Variants in AGO2 observed in about 807,000 individuals in gnomAD.
The protein encoded by AGO2 is protein argonaute-2.
In AGO2, 5 loss-of-function variants were observed where a neutral mutation model predicts 102.3. That is an observed-to-expected ratio of 0.05 (90% CI 0.03 to 0.10). AGO2 has a LOEUF of 0.10. AGO2 is among the 10% of genes least tolerant of loss of function. The pLI, the probability that AGO2 is intolerant of heterozygous loss-of-function variation, is 1.00. For missense variants in AGO2, 541 were observed against 1,183.7 expected (o/e 0.46, Z 7.97); for synonymous variants, 449 against 473.1 (o/e 0.95, Z 0.66).
Position 140,539,483 on chromosome 8 carries a change from C to A in AGO2, c.2035-29G>T, listed in dbSNP as rs771972360. The A allele has an allele frequency of 1.3e-6, 2 of 1,595,082 alleles. No individual in the cohort carries two copies. Among genetic ancestry groups the A allele is most frequent in the Non-Finnish European group, 1.7e-6 (2 of 1,169,564 alleles). On this transcript the variant is annotated intron_variant, in intron 15 of 18. Transcript: ENST00000220592. This position sits in a 1 kb window ranked among gnomAD's most constrained non-coding sequence, Gnocchi z 4.7. ...GGGGTACGGGAGGGAGGAGGTTGTG[C>A]TTAAAGATGGTAGTGCATGTGAGCA...
In AGO2 at chr8:140,557,726, G is replaced by T. The variant is rs2073124180; in HGVS notation, c.879-490C>A. The stretch of plus-strand genomic sequence containing the variant: ...AGTGAGGGGGAGGCCCACAGGCACA[G>T]GAAGGGTTGGCCTCTGTGTGGGGAT... On this transcript the variant is annotated intron_variant, in intron 7 of 18. Coordinates refer to ENST00000220592, the MANE Select transcript of AGO2 (RefSeq NM_012154.5). This position sits in a 1 kb window ranked among gnomAD's most constrained non-coding sequence, Gnocchi z 5.9. Among the ~76,000 whole-genome samples, 1 of 152,254 alleles carries T rather than the reference G, an allele frequency of 6.6e-6. No homozygotes were observed. The highest frequency in any genetic ancestry group is 1.5e-5 in the Non-Finnish European group (1 of 68,038).
rs572717837 is a variant in AGO2 at position 140,616,098 on chromosome 8, A to C, written c.22+19387T>G. 3.3e-5 allele frequency among the ~76,000 whole-genome samples: 5 copies of C among 152,324 alleles called. No individual in the cohort carries two copies. The South Asian group carries it at 1.0e-3, about 32-fold the overall frequency. Reference sequence around the variant, plus strand: ...ACTGAGTCTTCCACATTCTTGTACAAGAACCCTTGTAACCAAGCCCGTGAG... The same window carrying C: ...ACTGAGTCTTCCACATTCTTGTACACGAACCCTTGTAACCAAGCCCGTGAG... On this transcript the variant is annotated intron_variant, in intron 1 of 18. Coordinates refer to ENST00000220592, the MANE Select transcript of AGO2 (RefSeq NM_012154.5).
chr8:140,636,866 G>C (rs534711539), upstream of AGO2: 1 of 152,408 alleles, frequency 6.6e-6, no homozygotes, highest in East Asian at 1.9e-4. Flanking sequence ...TACCCACGGA[G>C]AGCAGGATGG....
chr8:140,579,142 G>T (rs917249637), intron 2 of AGO2, among the ~76,000 whole-genome samples: 1 of 151,922 alleles, frequency 6.6e-6, no homozygotes, highest in African/African-American at 2.4e-5. Context: ...AGGATTGCTT[G>T]ACCTCGGGAG....
chr8:140,564,378 C>T (rs957118151), intron 3 of AGO2, among the ~76,000 whole-genome samples: 1 of 152,140 alleles, frequency 6.6e-6, no homozygotes, highest in African/African-American at 2.4e-5. Flanking sequence ...GTTGGGGGTA[C>T]AGGATGTGGT....
intron 1 of AGO2, among the ~76,000 whole-genome samples, chr8:140,627,323 T>C (rs183577224): frequency 1.1e-3 from 168 of 152,184 alleles, no homozygotes; most frequent in Non-Finnish European, 2.0e-3. Context: ...CTCACAACAG[T>C]TCTATTATTT....
chr8:140,585,382 C>T lies in AGO2; in HGVS notation c.23-71G>A, dbSNP rs2073639881. The T allele has an allele frequency of 3.3e-5, 50 of 1,523,054 alleles. 2 individuals carry two copies. In the South Asian group the frequency reaches 6.3e-4, roughly 19 times the overall value. 94.3% of individuals were successfully genotyped at this position (1,523,054 alleles called of 1,614,324 possible). A position where few individuals can be genotyped will look rare whatever the true frequency, so the allele number is the denominator to read the frequency against. ...TCTGCGGCCCTTCCCATCCCGCGGC[C>T]CCAAGCCACTATATGCCCCCCTCTG... On this transcript the variant is annotated intron_variant, in intron 1 of 18. Coordinates refer to ENST00000220592, the MANE Select transcript of AGO2 (RefSeq NM_012154.5).
chr8:140,632,561 T>C (rs2152111972), intron 1 of AGO2, among the ~76,000 whole-genome samples: 1 of 152,290 alleles, frequency 6.6e-6, no homozygotes, highest in East Asian at 1.9e-4. Context: ...ACACGGGAGC[T>C]TGAAAGTGTA....
Position 140,525,036 on chromosome 8 carries a change from A to AC in AGO2, c.*7007dup, listed in dbSNP as rs1304304078. 1 of 152,070 alleles carries AC rather than the reference A, an allele frequency of 6.6e-6. No individual in the cohort carries two copies. The highest frequency in any genetic ancestry group is 1.5e-5 in the Non-Finnish European group (1 of 68,014). 9.4% of individuals were successfully genotyped at this position (152,070 alleles called of 1,614,324 possible). A position where few individuals can be genotyped will look rare whatever the true frequency, so the allele number is the denominator to read the frequency against. On this transcript the variant is annotated 3_prime_UTR_variant, in exon 19 of 19. Transcript: ENST00000220592. ...ATAGGAGATAACTCAGCCTCTTCCTACCCCCCAAAAGGGGGCTGGGGGCTG... is the reference window on the plus strand; with the variant it reads ...ATAGGAGATAACTCAGCCTCTTCCTACCCCCCCAAAAGGGGGCTGGGGGCTG...
At chr8:140,570,826 GCA>G (rs772309272) in intron 3 of AGO2, among the ~76,000 whole-genome samples, 6 of 152,164 alleles carry the variant, frequency 3.9e-5, no homozygotes, top group African/African-American at 7.2e-5. Flanking sequence ...CAGAGTTTGT[GCA>G]CAGTTAATTT....
intron 17 of AGO2, 182 bp from the exon 18 acceptor site, chr8:140,532,797 C>T: frequency 3.4e-6 from 2 of 588,350 alleles, no homozygotes; most frequent in East Asian, 3.0e-5. Context: ...GAGTTCGAGT[C>T]CAGCCTGGCC....
chr8:140,602,891 G>A (rs779378129), intron 1 of AGO2, among the ~76,000 whole-genome samples: 17 of 152,220 alleles, frequency 1.1e-4, no homozygotes, highest in Non-Finnish European at 1.8e-4. Context: ...CCTGAAGAGA[G>A]ACGAGCTCAC....
At chr8:140,554,024 A>G (rs919639818) in intron 10 of AGO2, among the ~76,000 whole-genome samples, 1 of 152,036 alleles carries the variant, frequency 6.6e-6, no homozygotes, top group African/African-American at 2.4e-5. Context: ...TAATCCCTAC[A>G]CTCTTGAGAT....
intron 1 of AGO2, among the ~76,000 whole-genome samples, chr8:140,624,612 G>A (rs1446411717): frequency 1.3e-5 from 2 of 152,236 alleles, no homozygotes; most frequent in African/African-American, 4.8e-5. Flanking sequence ...AGGAGGCTCT[G>A]GTCCTCGCAT....
intron 10 of AGO2, among the ~76,000 whole-genome samples, chr8:140,552,114 G>A (rs2073010130): frequency 6.6e-6 from 1 of 152,222 alleles, no homozygotes; most frequent in Non-Finnish European, 1.5e-5. Context: ...CATGCTACAG[G>A]AAGGCCTCCT....
intron 2 of AGO2, among the ~76,000 whole-genome samples, chr8:140,579,141 T>C (rs1165690381): frequency 6.6e-6 from 1 of 151,992 alleles, no homozygotes; most frequent in Non-Finnish European, 1.5e-5. Flanking sequence ...AAGGATTGCT[T>C]GACCTCGGGA....
chr8:140,552,530 A>G (rs1017936811), intron 10 of AGO2, among the ~76,000 whole-genome samples: 7 of 152,296 alleles, frequency 4.6e-5, no homozygotes, highest in African/African-American at 1.7e-4. Context: ...CATCTTTCGT[A>G]CAAAATACAA....
intron 1 of AGO2, among the ~76,000 whole-genome samples, chr8:140,616,159 C>A (rs1378961711): frequency 6.6e-6 from 1 of 152,234 alleles, no homozygotes; most frequent in Non-Finnish European, 1.5e-5. Flanking sequence ...AGACGAGACT[C>A]CTCAGGGAAC....
chr8:140,557,670 C>T lies in AGO2; in HGVS notation c.879-434G>A, dbSNP rs1278665848. On this transcript the variant is annotated intron_variant, in intron 7 of 18. Coordinates refer to ENST00000220592, the MANE Select transcript of AGO2 (RefSeq NM_012154.5). The surrounding 1 kb of genome is among the most constrained non-coding windows in gnomAD (Gnocchi z 5.9). ...CAGGCCGGTTCCGGCCGCACGGTGACGGCAGGAGACGCCTGGGTGCAGTAT... is the reference window on the plus strand; with the variant it reads ...CAGGCCGGTTCCGGCCGCACGGTGATGGCAGGAGACGCCTGGGTGCAGTAT... 2.6e-5 allele frequency among the ~76,000 whole-genome samples: 4 copies of T among 152,194 alleles called. No homozygotes were observed. Among genetic ancestry groups the T allele is most frequent in the South Asian group, 2.1e-4 (1 of 4,832 alleles).
Sources: gnomAD v4.1 joint callset for allele counts (sites outside exome capture counted in the v4.1 genomes callset) on GRCh38, gnomAD v4.1.1 for gene constraint, Gnocchi (gnomAD v3.1) non-coding constraint, MANE v1.5 for transcripts, NCBI Gene and HGNC (gene_info 2026-07-23, HGNC 2026-07-21) for gene names.